The following WDR1 variants were observed in gnomAD, a reference collection of about 807,000 sequenced individuals.
WDR1 encodes the protein WD repeat-containing protein 1.
In WDR1, 21 loss-of-function variants were observed where a neutral mutation model predicts 71.9. The observed-to-expected ratio is 0.29, with a 90% CI of 0.21 to 0.42. The LOEUF (loss-of-function observed/expected upper bound fraction) is 0.42, where lower values mean the gene tolerates loss of function less well. WDR1 is among the 10% of genes least tolerant of loss of function. The pLI, the probability that WDR1 is intolerant of heterozygous loss-of-function variation, is 1.00. For synonymous variants in WDR1, 424 were observed against 347.4 expected, an observed-to-expected ratio of 1.22 and a Z score of -2.45; for missense variants, 696 against 824.5, an observed-to-expected ratio of 0.84 and a Z score of 1.91.
chr4:10,086,890 G>T (rs1039147409), intron 8 of WDR1, among the ~76,000 whole-genome samples: 1 of 152,188 alleles, frequency 6.6e-6, no homozygotes, highest in Admixed American at 6.5e-5. Context: ...TGGGAAGCAG[G>T]CGAGGGCGCT....
intron 5 of WDR1, among the ~76,000 whole-genome samples, chr4:10,097,467 C>T (rs1003361378): frequency 6.6e-6 from 1 of 152,246 alleles, no homozygotes; most frequent in Non-Finnish European, 1.5e-5. Flanking sequence ...CCGACAGGCA[C>T]ACATCATCCT....
At chr4:10,101,984 G>A (rs1221743642) in intron 3 of WDR1, among the ~76,000 whole-genome samples, 2 of 152,362 alleles carry the variant, frequency 1.3e-5, no homozygotes, top group Non-Finnish European at 1.5e-5. Flanking sequence ...TACAGATGGA[G>A]CTGGAGAAGA....
chr4:10,093,176 G>C, intron 5 of WDR1: 1 of 1,287,104 alleles, frequency 7.8e-7, no homozygotes, highest in Non-Finnish European at 1.0e-6. Flanking sequence ...TACCTACCTA[G>C]TCAGCTCAGG....
chr4:10,075,417 G>A lies in WDR1; in HGVS notation c.1782C>T (p.Ser594=), dbSNP rs757042143. The change falls in exon 15 of 15, where the codon TCC becomes TCT. Residue 594 remains serine (S), a synonymous_variant. Transcript: ENST00000499869. ...TCCACTCCTTGACAGAGGCATCATG[G>A]GAGGTCGTGACCAGCGTGTGCTCGT... ...WLDEHTLVTT[S]HDASVKEWTI... is the part of the protein sequence containing the mutation. The A allele has an allele frequency of 6.2e-7, 1 of 1,614,010 alleles. No homozygotes were observed. Among genetic ancestry groups the A allele is most frequent in the Non-Finnish European group, 8.5e-7 (1 of 1,179,892 alleles).
In WDR1 at chr4:10,079,020, G is replaced by C; in HGVS notation, c.1285-19C>G. ...GGACAATCTGTGGCACACACAGGCA[G>C]CTGGTCAGGCGGTCCAGCCCTTCGG... On this transcript the variant is annotated intron_variant, in intron 11 of 14. Transcript: ENST00000499869. 2 of 1,578,416 alleles carry C rather than the reference G, an allele frequency of 1.3e-6. No homozygotes were observed. Among genetic ancestry groups the C allele is most frequent in the Non-Finnish European group, 1.7e-6 (2 of 1,157,838 alleles).
intron 3 of WDR1, among the ~76,000 whole-genome samples, chr4:10,100,501 T>C (rs1037908401): frequency 1.3e-5 from 2 of 152,208 alleles, no homozygotes; most frequent in Non-Finnish European, 2.9e-5. Flanking sequence ...GCCTTGCTTG[T>C]GGGCAGACAC....
Position 10,097,990 on chromosome 4 carries a change from G to A in WDR1, c.378-99C>T, listed in dbSNP as rs536326961. 3 of 1,259,042 alleles carry A rather than the reference G, an allele frequency of 2.4e-6. No homozygotes were observed. In the African/African-American group the frequency reaches 4.5e-5, roughly 19 times the overall value. The allele number at this position is 1,259,042 out of a possible 1,614,324, so 78.0% of individuals were successfully genotyped here. On this transcript the variant is annotated intron_variant, in intron 4 of 14. Coordinates refer to ENST00000499869, the MANE Select transcript of WDR1 (RefSeq NM_017491.5). Reference sequence around the variant, plus strand: ...GATAGCTGAGCTGCCAGTGCACAGAGGATGGAGTGACTGTCAGCAGGCAGC... The same window carrying A: ...GATAGCTGAGCTGCCAGTGCACAGAAGATGGAGTGACTGTCAGCAGGCAGC...
rs6449277 is a variant in WDR1, at chr4:10,095,520, G to A, written c.558+2191C>T. Among the ~76,000 whole-genome samples, 855 of 152,248 alleles carry A rather than the reference G, an allele frequency of 5.6e-3. 3 individuals carry two copies. The highest frequency in any genetic ancestry group is 0.017 in the African/African-American group (695 of 41,530). On this transcript the variant is annotated intron_variant, in intron 5 of 14. Coordinates refer to ENST00000499869, the MANE Select transcript of WDR1 (RefSeq NM_017491.5). The stretch of plus-strand genomic sequence containing the variant: ...CTCTCACTTCCCCCAGCCTGCACGC[G>A]CTCCCTTTGTCTTGGGGTTGGTCAT...
At chr4:10,084,851 T>C (rs955569753) in intron 8 of WDR1, among the ~76,000 whole-genome samples, 4 of 152,174 alleles carry the variant, frequency 2.6e-5, no homozygotes, top group African/African-American at 9.7e-5. Context: ...ACCTAACGTG[T>C]GCAGACACGT....
At chr4:10,089,765 C>T (rs146795996) in intron 5 of WDR1, among the ~76,000 whole-genome samples, 7 of 152,370 alleles carry the variant, frequency 4.6e-5, no homozygotes, top group Non-Finnish European at 8.8e-5. Context: ...AGCTGCCCCG[C>T]GCTCTAAGTA....
chr4:10,088,038 A>G, intron 7 of WDR1, 98 bp from the exon 8 acceptor site: 2 of 1,210,216 alleles, frequency 1.7e-6, no homozygotes, highest in South Asian at 3.1e-5. Context: ...TGAGTAGGAC[A>G]GAAGGAGCCC....
At chr4:10,077,233 C>T in intron 14 of WDR1, 71 bp downstream of exon 14, 4 of 1,589,000 alleles carry the variant, frequency 2.5e-6, no homozygotes, top group African/African-American at 1.3e-5. Flanking sequence ...AGCCAGGGGA[C>T]AGCCTGTGAG....
At chr4:10,077,117 C>T (rs910504262) in intron 14 of WDR1, 187 bp downstream of exon 14, 2 of 856,292 alleles carry the variant, frequency 2.3e-6, no homozygotes, top group Admixed American at 3.0e-5. Context: ...CGTGGTCCCT[C>T]AGTACGGCCA....
Position 10,084,506 on chromosome 4 carries a change from G to C in WDR1, c.976C>G (p.Leu326Val). Reference sequence around the variant, plus strand: ...TTGCCGCCGTTTTTATGCACCGTCAGACACTGGATCGATTTACTGTGACCC... The same window carrying C: ...TTGCCGCCGTTTTTATGCACCGTCACACACTGGATCGATTTACTGTGACCC... ...IKGHSKSIQC[L>V]TVHKNGGKSY... Residue 326 changes from leucine (L) to valine (V), a missense_variant, in exon 9 of 15, where the codon CTG (leucine) becomes GTG (valine). Leu to Val is a conservative substitution (Grantham distance 32). Transcript: ENST00000499869. 3 of 1,613,932 alleles carry C rather than the reference G, an allele frequency of 1.9e-6. No homozygotes were observed. The highest frequency in any genetic ancestry group is 1.7e-6 in the Non-Finnish European group (2 of 1,179,830).
intron 5 of WDR1, among the ~76,000 whole-genome samples, chr4:10,090,815 G>A (rs1348678122): frequency 3.3e-5 from 5 of 152,246 alleles, no homozygotes; most frequent in African/African-American, 9.6e-5. Context: ...TGAGGGCGAC[G>A]ACAGTCACGT....
chr4:10,106,760 C>T (rs1051667738), intron 2 of WDR1, among the ~76,000 whole-genome samples: 1 of 152,196 alleles, frequency 6.6e-6, no homozygotes, highest in Non-Finnish European at 1.5e-5. Flanking sequence ...ACTGGGTCAG[C>T]GGTGGGGGCT....
chr4:10,075,620 A>C, intron 14 of WDR1, 136 bp from the exon 15 acceptor site: 1 of 781,040 alleles, frequency 1.3e-6, no homozygotes, highest in Non-Finnish European at 2.1e-6. Flanking sequence ...GTTGTAACTC[A>C]GGAGCCTGGC....
intron 4 of WDR1, among the ~76,000 whole-genome samples, chr4:10,098,214 G>A (rs1037044709): frequency 6.6e-6 from 1 of 152,224 alleles, no homozygotes; most frequent in African/African-American, 2.4e-5. Context: ...TCTATTGGGA[G>A]GGAACAGTTA....
chr4:10,107,151 G>C (rs1345566867), intron 2 of WDR1, among the ~76,000 whole-genome samples: 2 of 152,148 alleles, frequency 1.3e-5, no homozygotes, highest in Admixed American at 1.3e-4. Context: ...GGGGGCCTGG[G>C]GGAGACCACC....
Sources: gnomAD v4.1 joint callset for allele counts (sites outside exome capture counted in the v4.1 genomes callset) on GRCh38, gnomAD v4.1.1 for gene constraint, MANE v1.5 for transcripts, NCBI Gene and HGNC (gene_info 2026-07-23, HGNC 2026-07-21) for gene names.